IL6ST: variants seen among roughly 807,000 people sequenced by gnomAD.
The protein encoded by IL6ST is interleukin-6 receptor subunit beta.
Under a neutral mutation model 91.3 loss-of-function variants are expected in IL6ST, and 24 were observed. The ratio of observed to expected loss-of-function variants is 0.26; its 90% CI spans 0.19 to 0.37. The LOEUF is 0.37. Among genes scored for constraint, IL6ST ranks in the 10% least tolerant of loss-of-function variants. The pLI is 1.00. For synonymous variants in IL6ST, 351 were observed against 373.6 expected (o/e 0.94, Z 0.70); for missense variants, 914 against 1,078.5 (o/e 0.85, Z 2.14).
At chr5:55,984,339 G>GT (rs1217680957) in intron 1 of IL6ST, among the ~76,000 whole-genome samples, 9 of 152,166 alleles carry the variant, frequency 5.9e-5, no homozygotes, top group African/African-American at 2.2e-4. Flanking sequence ...CAAAAAATAT[G>GT]TTGAAGTCTT....
intron 7 of IL6ST, among the ~76,000 whole-genome samples, chr5:55,962,169 G>A (rs996324631): frequency 3.9e-5 from 6 of 152,100 alleles, no homozygotes; most frequent in Admixed American, 3.9e-4. Flanking sequence ...ACCACATTTT[G>A]AAGAACTTCA....
intron 11 of IL6ST, among the ~76,000 whole-genome samples, chr5:55,954,522 G>C (rs1751840319): frequency 6.6e-6 from 1 of 152,308 alleles, no homozygotes; most frequent in African/African-American, 2.4e-5. Flanking sequence ...AGCAGCAAAG[G>C]TTGGACTCTT....
intron 1 of IL6ST, among the ~76,000 whole-genome samples, chr5:55,987,497 C>A (rs1297758687): frequency 6.6e-6 from 1 of 152,090 alleles, no homozygotes; most frequent in Non-Finnish European, 1.5e-5. Flanking sequence ...AAAATAACAA[C>A]AAAGTGTCAG....
chr5:55,951,942 A>G lies in IL6ST; in HGVS notation c.1686T>C (p.Ile562=). The G allele has an allele frequency of 6.8e-7, 1 of 1,463,808 alleles. No individual in the cohort carries two copies. Among genetic ancestry groups the G allele is most frequent in the South Asian group, 1.2e-5 (1 of 84,826 alleles). 90.7% of individuals were successfully genotyped at this position (1,463,808 alleles called of 1,614,324 possible). ...CAGTTTTATTACCAGTTTCATTTCC[A>G]ATGATGGTTCTATAAAATATAGTAT... ...RNYTIFYRTI[I]GNETAVNVDS... The change falls in exon 13 of 17, where the codon ATT becomes ATC. Residue 562 remains isoleucine, a synonymous_variant. Coordinates refer to ENST00000381298, the MANE Select transcript of IL6ST (RefSeq NM_002184.4).
intron 8 of IL6ST, 52 bp downstream of exon 8, chr5:55,960,350 T>G: frequency 6.9e-7 from 1 of 1,443,812 alleles, no homozygotes; most frequent in Non-Finnish European, 9.6e-7. Context: ...CCAGAACCAG[T>G]TCACATCTGG....
chr5:55,960,368 A>G (rs765195530), intron 8 of IL6ST, 34 bp downstream of exon 8: 1 of 1,560,832 alleles, frequency 6.4e-7, no homozygotes, highest in East Asian at 2.3e-5. Context: ...TGGAATTCCA[A>G]TAGCTTTACT....
chr5:55,971,478 A>T (rs1752960392), intron 3 of IL6ST, among the ~76,000 whole-genome samples: 1 of 152,230 alleles, frequency 6.6e-6, no homozygotes, highest in Non-Finnish European at 1.5e-5. Context: ...CTACCAAGAT[A>T]AAAGTCCCAA....
chr5:55,941,065 C>T lies in IL6ST; in HGVS notation c.*17G>A. ...TTTATAGGTACTGCTGAAGTTGTAG[C>T]AGGAACTACTAGTCCTTCACTGAGG... On this transcript the variant is annotated 3_prime_UTR_variant, in exon 17 of 17. Transcript: ENST00000381298. The T allele has an allele frequency of 1.9e-6, 3 of 1,577,636 alleles. No homozygotes were observed. The highest frequency in any genetic ancestry group is 2.6e-6 in the Non-Finnish European group (3 of 1,162,376).
intron 9 of IL6ST, among the ~76,000 whole-genome samples, chr5:55,956,451 G>C (rs1362078886): frequency 2.0e-5 from 3 of 152,162 alleles, no homozygotes; most frequent in South Asian, 4.1e-4. Context: ...AGGGTAAGTA[G>C]CATCATTCCG....
At chr5:55,969,187 CAA>C (rs752365260) in intron 4 of IL6ST, among the ~76,000 whole-genome samples, 24 of 79,238 alleles carry the variant, frequency 3.0e-4, no homozygotes, top group Admixed American at 5.9e-4. Context: ...ACTCTGTCAC[CAA>C]AAAAAAAAAA....
Position 55,941,534 on chromosome 5 carries a change from G to A in IL6ST, c.2305C>T (p.His769Tyr). 6.2e-7 allele frequency: 1 copy of A among 1,614,158 alleles called. No homozygotes were observed. Among genetic ancestry groups the A allele is most frequent in the Non-Finnish European group, 8.5e-7 (1 of 1,179,990 alleles). Residue 769 changes from histidine (H) to tyrosine (Y), a missense_variant, in exon 17 of 17, where the codon CAC (histidine) becomes TAC (tyrosine). By Grantham distance (83) the His-to-Tyr change is moderately conservative (BLOSUM62 2). Transcript: ENST00000381298. Reference sequence around the variant, plus strand: ...AAGACTTGGACTGACGGAACTTGGTGTCTGTAGCCACTGTGTACCACGGTA... The same window carrying A: ...AAGACTTGGACTGACGGAACTTGGTATCTGTAGCCACTGTGTACCACGGTA... ...YSTVVHSGYR[H>Y]QVPSVQVFSR...
At position 55,951,497 on chromosome 5, in the gene IL6ST, C is replaced by T; in HGVS notation, c.1807G>A (p.Gly603Ser). 1.2e-6 allele frequency: 2 copies of T among 1,613,294 alleles called. No homozygotes were observed. The highest frequency in any genetic ancestry group is 1.7e-6 in the Non-Finnish European group (2 of 1,179,548). ...GGGGTAGTAAAAGTGAATTCTGGACCATCCTTCCCACCTTCATCTGTGTAT... is the reference window on the plus strand; with the variant it reads ...GGGGTAGTAAAAGTGAATTCTGGACTATCCTTCCCACCTTCATCTGTGTAT... ...AAYTDEGGKD[G>S]PEFTFTTPKF... Residue 603 changes from glycine to serine, a missense_variant, in exon 14 of 17, where the codon GGT (glycine) becomes AGT (serine). Transcript: ENST00000381298.
chr5:55,959,513 A>G, intron 8 of IL6ST: 1 of 391,378 alleles, frequency 2.6e-6, no homozygotes, highest in East Asian at 7.6e-5. Flanking sequence ...ACTTAGTAAC[A>G]TCAGATGCTT....
intron 3 of IL6ST, 151 bp downstream of exon 3, chr5:55,976,064 T>C (rs1753270491): frequency 2.6e-6 from 1 of 384,060 alleles, no homozygotes; most frequent in East Asian, 4.5e-5. Context: ...AGAATATTTT[T>C]ATTAAAATCA....
intron 15 of IL6ST, 114 bp from the exon 16 acceptor site, chr5:55,942,865 T>C (rs1751005357): frequency 5.1e-6 from 3 of 582,526 alleles, no homozygotes; most frequent in Non-Finnish European, 9.2e-6. Context: ...ATTACCTAAA[T>C]GAACAAAAAA....
At position 55,952,084 on chromosome 5, in the gene IL6ST, G is replaced by A; in HGVS notation, c.1553-9C>T. The A allele has an allele frequency of 1.9e-6, 3 of 1,603,134 alleles. No individual in the cohort carries two copies. The highest frequency in any genetic ancestry group is 2.5e-6 in the Non-Finnish European group (3 of 1,176,656). On this transcript the variant is annotated splice_polypyrimidine_tract_variant and intron_variant, in intron 12 of 16. Transcript: ENST00000381298. ...AGGTCCTTTGGAAGGTGCTGTAACAGAGTGAACACATTTGCTAACTGAAAA... is the reference window on the plus strand; with the variant it reads ...AGGTCCTTTGGAAGGTGCTGTAACAAAGTGAACACATTTGCTAACTGAAAA...
rs1206217089 is a variant in IL6ST at position 55,938,536 on chromosome 5, G to C, written c.*2546C>G. 5.0e-6 allele frequency: 1 copy of C among 199,200 alleles called. No individual in the cohort carries two copies. The highest frequency in any genetic ancestry group is 1.6e-3 in the Middle Eastern group (1 of 608). 12.3% of individuals were successfully genotyped at this position (199,200 alleles called of 1,614,324 possible). A position where few individuals can be genotyped will look rare whatever the true frequency, so the allele number is the denominator to read the frequency against. On this transcript the variant is annotated 3_prime_UTR_variant, in exon 17 of 17. Coordinates refer to ENST00000381298, the MANE Select transcript of IL6ST (RefSeq NM_002184.4). The stretch of plus-strand genomic sequence containing the variant: ...AACTGCAGGTGCAGAAGCAGTGAGT[G>C]AACTAGTTTTGTCCAGACAAGGTTT...
At chr5:55,989,646 C>T (rs944499964) in intron 1 of IL6ST, among the ~76,000 whole-genome samples, 3 of 152,002 alleles carry the variant, frequency 2.0e-5, no homozygotes, top group Admixed American at 6.6e-5. Flanking sequence ...ATTTTTATTC[C>T]GTTACAAACA....
At position 55,956,155 on chromosome 5, in the gene IL6ST, A is replaced by C; in HGVS notation, c.1137T>G (p.Asn379Lys). 6.2e-7 allele frequency: 1 copy of C among 1,612,854 alleles called. No individual in the cohort carries two copies. The highest frequency in any genetic ancestry group is 8.5e-7 in the Non-Finnish European group (1 of 1,178,802). The change falls in exon 10 of 17, where the codon AAT becomes AAG. Residue 379 changes from asparagine to lysine, a missense_variant. By Grantham distance (94) the Asn-to-Lys change is moderately conservative. Transcript: ENST00000381298. ...TCAGTTTTGTGGCATTAACTGTGTA[A>C]TTTTGTAAATGTGATTTCCATCTTG... ...TLTRWKSHLQ[N>K]YTVNATKLTV...
Sources: gnomAD v4.1 joint callset for allele counts (sites outside exome capture counted in the v4.1 genomes callset) on GRCh38, gnomAD v4.1.1 for gene constraint, MANE v1.5 for transcripts, NCBI Gene and HGNC (gene_info 2026-07-23, HGNC 2026-07-21) for gene names.